ATP10B: variants seen among roughly 807,000 people sequenced by gnomAD.
ATP10B encodes ATPase phospholipid transporting 10B (putative), also known as phospholipid-transporting ATPase VB.
In ATP10B, 122 loss-of-function variants were observed where a neutral mutation model predicts 141.2. That is an observed-to-expected ratio of 0.86 (90% CI 0.75 to 1.00). The LOEUF (loss-of-function observed/expected upper bound fraction) is 1.00. ATP10B is among the 50% of genes least tolerant of loss of function. The pLI, the probability that ATP10B is intolerant of heterozygous loss-of-function variation, is 0.00. For missense variants in ATP10B, 1,876 were observed against 1,825.3 expected (o/e 1.03, Z -0.51); for synonymous variants, 685 against 692.0 (o/e 0.99, Z 0.16).
the ATP10B span, among the ~76,000 whole-genome samples, chr5:160,883,976 C>A: frequency 1.7e-4 from 26 of 152,164 alleles, no homozygotes; most frequent in Admixed American, 1.7e-3. Flanking sequence ...GAAACTGAGA[C>A]ATGTAATAAG....
At chr5:160,672,091 C>T (rs1045546335) in intron 6 of ATP10B, among the ~76,000 whole-genome samples, 2 of 149,010 alleles carry the variant, frequency 1.3e-5, no homozygotes, top group Non-Finnish European at 3.0e-5. Context: ...ATCCTCCTTC[C>T]TCAGCCTCCT....
At chr5:160,854,291 A>C (rs1281105198), upstream of ATP10B, among the ~76,000 whole-genome samples, 5 of 152,026 alleles carry the variant, frequency 3.3e-5, no homozygotes, top group Non-Finnish European at 5.9e-5. Context: ...CCCGTCACCT[A>C]CATTTGGCAT....
intron 3 of ATP10B, among the ~76,000 whole-genome samples, chr5:160,709,849 G>A (rs1208037753): frequency 1.8e-5 from 2 of 112,914 alleles, no homozygotes; most frequent in Admixed American, 1.9e-4. Context: ...CTATGAGTGA[G>A]AATATGCGGT....
chr5:160,920,877 G>A, the ATP10B span, among the ~76,000 whole-genome samples: 39 of 152,316 alleles, frequency 2.6e-4, 1 homozygote, highest in South Asian at 8.1e-3. Context: ...TGAGCAGTTG[G>A]AGTCTAGGGC....
chr5:160,671,969 CTTTTTT>C (rs70990741), intron 6 of ATP10B, among the ~76,000 whole-genome samples: 4 of 68,388 alleles, frequency 5.8e-5, no homozygotes, highest in Non-Finnish European at 9.7e-5. Flanking sequence ...GCAATGCATC[CTTTTTT>C]TTTTTTTTTT....
intron 2 of ATP10B, among the ~76,000 whole-genome samples, chr5:160,719,412 G>C (rs1315834242): frequency 6.6e-6 from 1 of 152,166 alleles, no homozygotes; most frequent in East Asian, 1.9e-4. Flanking sequence ...AAAAAGTAAT[G>C]GCAATAACTG....
chr5:160,846,265 T>C (rs1337622803), intron 1 of ATP10B, among the ~76,000 whole-genome samples: 1 of 152,182 alleles, frequency 6.6e-6, no homozygotes, highest in African/African-American at 2.4e-5. Flanking sequence ...ACTTGCCGTG[T>C]TGAGCAGGCT....
intron 10 of ATP10B, among the ~76,000 whole-genome samples, chr5:160,638,951 A>ACCT (rs1759627255): frequency 1.3e-5 from 2 of 151,644 alleles, no homozygotes; most frequent in Admixed American, 1.3e-4. Context: ...TCCTGTCTCC[A>ACCT]CCTCTCATGG....
intron 22 of ATP10B, among the ~76,000 whole-genome samples, chr5:160,591,366 T>G (rs1284163894): frequency 6.6e-6 from 1 of 152,236 alleles, no homozygotes; most frequent in East Asian, 1.9e-4. Flanking sequence ...AACTAGTTTC[T>G]TCTTCCATTA....
chr5:160,878,621 T>G, the ATP10B span, among the ~76,000 whole-genome samples: 1 of 152,110 alleles, frequency 6.6e-6, no homozygotes, highest in African/African-American at 2.4e-5. Flanking sequence ...GGAGAAAATT[T>G]TCACAACCTA....
At chr5:160,726,142 C>G (rs1185806116) in intron 2 of ATP10B, among the ~76,000 whole-genome samples, 1 of 152,108 alleles carries the variant, frequency 6.6e-6, no homozygotes, top group Admixed American at 6.5e-5. Context: ...CATGGCCTCA[C>G]TAAGACGTTG....
chr5:160,781,432 T>C (rs1183752778), intron 2 of ATP10B, among the ~76,000 whole-genome samples: 1 of 152,112 alleles, frequency 6.6e-6, no homozygotes, highest in Non-Finnish European at 1.5e-5. Flanking sequence ...ACAGGGTGTT[T>C]GTTCAGTTAG....
At chr5:160,579,121 G>A (rs180877988) in intron 24 of ATP10B, among the ~76,000 whole-genome samples, 3 of 152,274 alleles carry the variant, frequency 2.0e-5, no homozygotes, top group Admixed American at 2.0e-4. Context: ...CCATCCTGTA[G>A]GTTGCCTGTT....
intron 1 of ATP10B, among the ~76,000 whole-genome samples, chr5:160,828,950 C>T (rs866828520): frequency 3.5e-4 from 50 of 143,850 alleles, no homozygotes; most frequent in South Asian, 2.5e-3. Flanking sequence ...AGTAAACTAA[C>T]GCAAGGACAA....
At chr5:160,796,567 G>T (rs1028374224) in intron 1 of ATP10B, among the ~76,000 whole-genome samples, 1 of 121,678 alleles carries the variant, frequency 8.2e-6, no homozygotes, top group Non-Finnish European at 1.8e-5. Context: ...GACCCCCAGC[G>T]GTAGTATTGT....
the ATP10B span, among the ~76,000 whole-genome samples, chr5:160,864,163 C>T: frequency 4.5e-4 from 69 of 151,920 alleles, no homozygotes; most frequent in African/African-American, 9.4e-4. Context: ...ACATCCCTGA[C>T]GCAAAAACAT....
At chr5:160,677,179 TCTTGTTTTATGA>T (rs1422941485) in intron 6 of ATP10B, among the ~76,000 whole-genome samples, 1 of 152,212 alleles carries the variant, frequency 6.6e-6, no homozygotes, top group African/African-American at 2.4e-5. Context: ...ACACCTGAAT[TCTTGTTTTATGA>T]CTCTCCCACC....
chr5:160,685,347 C>A lies in ATP10B; in HGVS notation c.470+732G>T, dbSNP rs914769469. On this transcript the variant is annotated intron_variant, in intron 6 of 25. Transcript: ENST00000327245. Reference sequence around the variant, plus strand: ...AAATGAAAAGCCAGGCTGCAAACCCCAGGGGAGAAACATGACAAGGAAAGA... The same window carrying A: ...AAATGAAAAGCCAGGCTGCAAACCCAAGGGGAGAAACATGACAAGGAAAGA... 5 of 568,128 alleles carry A rather than the reference C, an allele frequency of 8.8e-6. No individual in the cohort carries two copies. In the African/African-American group the frequency reaches 9.5e-5, roughly 11 times the overall value. The allele number at this position is 568,128 out of a possible 1,614,324, so 35.2% of individuals were successfully genotyped here.
chr5:160,812,020 C>CACAGAGAGAGAGAGAGAGAGAGAG (rs1211580744), intron 1 of ATP10B, among the ~76,000 whole-genome samples: 43 of 111,420 alleles, frequency 3.9e-4, no homozygotes, highest in Non-Finnish European at 6.7e-4. Context: ...GAGACAGAGA[C>CACAGAGAGAGAGAGAGAGAGAGAG]AGAGAGAGAG....
Sources: gnomAD v4.1 joint callset for allele counts (sites outside exome capture counted in the v4.1 genomes callset) on GRCh38, gnomAD v4.1.1 for gene constraint, MANE v1.5 for transcripts, NCBI Gene and HGNC (gene_info 2026-07-23, HGNC 2026-07-21) for gene names.